Variants in BLK observed in about 807,000 individuals in gnomAD.
The protein encoded by BLK is tyrosine-protein kinase Blk.
A neutral mutation model predicts 61.8 loss-of-function variants in BLK; 64 were observed. The ratio of observed to expected loss-of-function variants is 1.03; its 90% CI spans 0.85 to 1.27. The LOEUF (loss-of-function observed/expected upper bound fraction) is 1.27. BLK is among the 50% of genes most tolerant of loss of function. The pLI, the probability that BLK is intolerant of heterozygous loss-of-function variation, is 0.00. For missense variants in BLK, 853 were observed against 660.5 expected (o/e 1.29, Z -3.19); for synonymous variants, 351 against 272.0 (o/e 1.29, Z -2.86).
At chr8:11,562,864 G>A in intron 11 of BLK, 115 bp from the exon 12 acceptor site, 4 of 1,477,094 alleles carry the variant, frequency 2.7e-6, no homozygotes, top group Non-Finnish European at 3.7e-6. Context: ...CCCGCCCTGT[G>A]AGGCCCCGCA....
At chr8:11,561,261 A>G (rs931001952) in intron 10 of BLK, 41 bp from the exon 11 acceptor site, 1 of 1,600,102 alleles carries the variant, frequency 6.2e-7, no homozygotes, top group African/African-American at 1.3e-5. Context: ...CTTGGCGTGG[A>G]GGCCCCCAGG....
chr8:11,550,373 C>T (rs1398881255), intron 6 of BLK, 111 bp downstream of exon 6: 4 of 1,029,716 alleles, frequency 3.9e-6, no homozygotes, highest in Non-Finnish European at 5.9e-6. Context: ...GGAGAACCAG[C>T]AGCTTCCGGG....
intron 9 of BLK, among the ~76,000 whole-genome samples, chr8:11,557,499 A>G (rs1801290789): frequency 6.6e-6 from 1 of 152,160 alleles, no homozygotes; most frequent in Admixed American, 6.5e-5. Context: ...GGGGAGCTGC[A>G]TTTGTCCCCT....
chr8:11,561,516 G>T lies in BLK; in HGVS notation c.1180+64G>T, dbSNP rs73545881. ...TTATCTTTCCCAGCTCCTCAAAGCC[G>T]CCTTTAACTTCTCCCAGCACAGCCC... is the stretch of plus-strand genomic sequence containing the variant. On this transcript the variant is annotated intron_variant, in intron 11 of 12. Transcript: ENST00000259089. 1.9e-6 allele frequency: 3 copies of T among 1,577,946 alleles called. No homozygotes were observed. In the East Asian group the frequency reaches 6.9e-5, roughly 36 times the overall value.
At chr8:11,540,987 C>G (rs946177773) in intron 1 of BLK, among the ~76,000 whole-genome samples, 7 of 152,048 alleles carry the variant, frequency 4.6e-5, no homozygotes, top group Admixed American at 2.0e-4. Context: ...CAAATAGGGC[C>G]GAGTGTGATG....
Position 11,548,055 on chromosome 8 carries a change from T to C in BLK, c.199T>C (p.Tyr67His), listed in dbSNP as rs1168233722. 2 of 1,613,970 alleles carry C rather than the reference T, an allele frequency of 1.2e-6. No homozygotes were observed. Among genetic ancestry groups the C allele is most frequent in the Admixed American group, 3.3e-5 (2 of 60,010 alleles). ...DEDKHFVVAL[Y>H]DYTAMNDRDL... ...AGACAAGCATTTCGTGGTGGCTCTG[T>C]ATGACTACACCGCTATGAATGATCG... Residue 67 changes from tyrosine (Y) to histidine (H), a missense_variant, in exon 4 of 13, where the codon TAT becomes CAT. Tyr to His is a moderately conservative substitution (Grantham distance 83). Transcript: ENST00000259089.
At chr8:11,547,283 AC>A (rs1202233313) in intron 3 of BLK, among the ~76,000 whole-genome samples, 1 of 152,228 alleles carries the variant, frequency 6.6e-6, no homozygotes, top group Non-Finnish European at 1.5e-5. Context: ...AGAAGAGGTG[AC>A]CAGCCCGAGG....
chr8:11,500,397 T>C (rs1554539156), intron 1 of BLK, among the ~76,000 whole-genome samples: 13 of 151,626 alleles, frequency 8.6e-5, no homozygotes, highest in Non-Finnish European at 1.9e-4. Context: ...GGTTTCATCA[T>C]GTTGGCCAGG....
intron 1 of BLK, among the ~76,000 whole-genome samples, chr8:11,501,353 CTCTT>C (rs1052192807): frequency 5.2e-5 from 5 of 96,714 alleles, no homozygotes; most frequent in Non-Finnish European, 7.2e-5. Context: ...TAAACTCTCT[CTCTT>C]TTTTTTTTTT....
intron 5 of BLK, chr8:11,549,894 AT>A (rs2117495117): frequency 2.0e-6 from 1 of 490,886 alleles, no homozygotes; most frequent in Non-Finnish European, 3.7e-6. Flanking sequence ...CCAAAGCAAA[AT>A]TAACAAAGGT....
rs763540216 is a variant in BLK, at chr8:11,549,016, C to T, written c.270-8C>T. Reference sequence around the variant, plus strand: ...TGATCTCATCTCTGTTTCCCCTGCTCCCATTAGAACTGGAGACTGGTGGCT... The same window carrying T: ...TGATCTCATCTCTGTTTCCCCTGCTTCCATTAGAACTGGAGACTGGTGGCT... On this transcript the variant is annotated splice_polypyrimidine_tract_variant and splice_region_variant and intron_variant, in intron 4 of 12. Coordinates refer to ENST00000259089, the MANE Select transcript of BLK (RefSeq NM_001715.3). 1 of 1,603,174 alleles carries T rather than the reference C, an allele frequency of 6.2e-7. No individual in the cohort carries two copies. The highest frequency in any genetic ancestry group is 2.2e-5 in the East Asian group (1 of 44,734).
At chr8:11,496,954 T>C (rs1250857162) in intron 1 of BLK, among the ~76,000 whole-genome samples, 1 of 151,988 alleles carries the variant, frequency 6.6e-6, no homozygotes, top group Non-Finnish European at 1.5e-5. Flanking sequence ...TCTGCAGCCT[T>C]GGGGACTGGC....
chr8:11,506,030 G>A (rs2117264610), intron 1 of BLK, among the ~76,000 whole-genome samples: 1 of 152,306 alleles, frequency 6.6e-6, no homozygotes, highest in East Asian at 1.9e-4. Context: ...TTCCCACAGT[G>A]GGCCCAACAG....
intron 1 of BLK, among the ~76,000 whole-genome samples, chr8:11,501,866 G>C (rs1798573549): frequency 6.6e-6 from 1 of 152,214 alleles, no homozygotes; most frequent in Non-Finnish European, 1.5e-5. Flanking sequence ...TTGTTGAACT[G>C]GGTAGTAGTT....
chr8:11,521,704 T>C (rs73539737), intron 1 of BLK, among the ~76,000 whole-genome samples: 1,565 of 152,342 alleles, frequency 0.01, 20 homozygotes, highest in African/African-American at 0.035. Flanking sequence ...GAGTAGCTCA[T>C]ACCGCCCTGG....
chr8:11,499,272 A>G (rs1481387504), intron 1 of BLK, among the ~76,000 whole-genome samples: 1 of 152,250 alleles, frequency 6.6e-6, no homozygotes, highest in East Asian at 1.9e-4. Flanking sequence ...CGGCTATGCC[A>G]CAGAGCCTAG....
chr8:11,543,657 C>T (rs1162731393), intron 2 of BLK, among the ~76,000 whole-genome samples: 1 of 152,218 alleles, frequency 6.6e-6, no homozygotes, highest in Non-Finnish European at 1.5e-5. Flanking sequence ...TACCTCTCTT[C>T]TCCCCAGCAG....
At chr8:11,546,822 C>T (rs987695807) in intron 3 of BLK, among the ~76,000 whole-genome samples, 2 of 152,174 alleles carry the variant, frequency 1.3e-5, no homozygotes, top group East Asian at 1.9e-4. Flanking sequence ...GTGATCTGCC[C>T]GCCTCAGCCT....
intron 1 of BLK, among the ~76,000 whole-genome samples, chr8:11,536,570 G>C (rs931997149): frequency 6.6e-6 from 1 of 151,860 alleles, no homozygotes; most frequent in African/African-American, 2.4e-5. Context: ...CACGTGCCTG[G>C]CTAATTTTTG....
Sources: gnomAD v4.1 joint callset for allele counts (sites outside exome capture counted in the v4.1 genomes callset) on GRCh38, gnomAD v4.1.1 for gene constraint, MANE v1.5 for transcripts, NCBI Gene and HGNC (gene_info 2026-07-23, HGNC 2026-07-21) for gene names.